BCAS3: variants seen among roughly 807,000 people sequenced by gnomAD.
BCAS3 encodes BCAS4/BCAS3 fusion.
Under a neutral mutation model 116.1 loss-of-function variants are expected in BCAS3, and 53 were observed. The observed-to-expected ratio is 0.46, with a 90% CI of 0.37 to 0.57. The LOEUF is 0.57. BCAS3 is among the 20% of genes least tolerant of loss of function. The pLI, the probability that BCAS3 is intolerant of heterozygous loss-of-function variation, is 0.00. For synonymous variants in BCAS3, 391 were observed against 408.2 expected, an observed-to-expected ratio of 0.96 and a Z score of 0.51; for missense variants, 917 against 1,165.4, an observed-to-expected ratio of 0.79 and a Z score of 3.10.
chr17:60,952,351 G>A (rs2060890305), intron 14 of BCAS3, among the ~76,000 whole-genome samples: 1 of 149,654 alleles, frequency 6.7e-6, no homozygotes, highest in Non-Finnish European at 1.5e-5. Flanking sequence ...ACAGAGTCTT[G>A]CTCTGTTGCC....
chr17:61,262,286 C>T (rs2049269592), intron 22 of BCAS3, among the ~76,000 whole-genome samples: 2 of 150,792 alleles, frequency 1.3e-5, no homozygotes, highest in Admixed American at 6.6e-5. Flanking sequence ...CCTTAGAAAA[C>T]ATATGCAAAA....
intron 5 of BCAS3, among the ~76,000 whole-genome samples, chr17:60,714,410 A>G (rs2038311343): frequency 6.6e-6 from 1 of 151,928 alleles, no homozygotes; most frequent in Admixed American, 6.6e-5. Context: ...CATGTCTGTA[A>G]TCCCAGCACT....
At chr17:61,287,541 C>T (rs924147028) in intron 22 of BCAS3, among the ~76,000 whole-genome samples, 2 of 151,794 alleles carry the variant, frequency 1.3e-5, no homozygotes, top group Non-Finnish European at 2.9e-5. Flanking sequence ...GCCTAAGCAA[C>T]ATAGTGAGAC....
chr17:60,823,029 A>C (rs2050092128), intron 7 of BCAS3, among the ~76,000 whole-genome samples: 2 of 152,180 alleles, frequency 1.3e-5, no homozygotes, highest in Admixed American at 1.3e-4. Context: ...CATCTAATTC[A>C]CAAAATCTGA....
chr17:60,795,453 G>C (rs1224677371), intron 6 of BCAS3, among the ~76,000 whole-genome samples: 1 of 152,114 alleles, frequency 6.6e-6, no homozygotes, highest in Non-Finnish European at 1.5e-5. Flanking sequence ...CCAGTACTAT[G>C]TTGAAGAGGA....
chr17:60,713,517 C>T (rs183791157), intron 5 of BCAS3, among the ~76,000 whole-genome samples: 1 of 152,052 alleles, frequency 6.6e-6, no homozygotes, highest in Non-Finnish European at 1.5e-5. Flanking sequence ...ATTCAACCAA[C>T]TGTGGATTGA....
At chr17:60,742,842 G>A (rs946241973) in intron 5 of BCAS3, among the ~76,000 whole-genome samples, 3 of 151,774 alleles carry the variant, frequency 2.0e-5, no homozygotes, top group East Asian at 2.0e-4. Context: ...GGCCAGGCAC[G>A]GTGGCTCACG....
intron 19 of BCAS3, among the ~76,000 whole-genome samples, chr17:61,071,506 G>A (rs1670898772): frequency 6.6e-6 from 1 of 152,138 alleles, no homozygotes; most frequent in African/African-American, 2.4e-5. Context: ...AGTAGGGCTG[G>A]GTGGGTGGAG....
chr17:60,833,499 T>C (rs2051114747), intron 7 of BCAS3, among the ~76,000 whole-genome samples: 1 of 152,230 alleles, frequency 6.6e-6, no homozygotes, highest in Non-Finnish European at 1.5e-5. Flanking sequence ...AACTCACAGT[T>C]GCTGTGGTTA....
chr17:61,082,167 G>T lies in BCAS3; in HGVS notation c.2328-2300G>T, dbSNP rs1220732283. Among the ~76,000 whole-genome samples the T allele has an allele frequency of 6.6e-6, 1 of 152,152 alleles. No homozygotes were observed. The highest frequency in any genetic ancestry group is 2.4e-5 in the African/African-American group (1 of 41,430). On this transcript the variant is annotated intron_variant, in intron 21 of 23. Coordinates refer to ENST00000407086, the MANE Select transcript of BCAS3 (RefSeq NM_017679.5). This position sits in a 1 kb window ranked among gnomAD's most constrained non-coding sequence, Gnocchi z 5.1. ...ATGTAAAAGATGCTGAGTATGCAAA[G>T]CCTCTCTTTCCACTCGATTAGCTCC...
intron 22 of BCAS3, among the ~76,000 whole-genome samples, chr17:61,093,612 A>T (rs1458696983): frequency 1.3e-5 from 2 of 152,220 alleles, no homozygotes; most frequent in African/African-American, 4.8e-5. Flanking sequence ...TTTTATTTTG[A>T]TGTAGGGCAG....
rs2058668928 is a variant in BCAS3 at position 61,365,330 on chromosome 17, TTGATTGAC to T, written c.2426-2989_2426-2982del. Among the ~76,000 whole-genome samples, 1 of 152,194 alleles carries T rather than the reference TTGATTGAC, an allele frequency of 6.6e-6. No homozygotes were observed. The highest frequency in any genetic ancestry group is 1.5e-5 in the Non-Finnish European group (1 of 68,036). Reference sequence around the variant, plus strand: ...CCTTTCTTGCTATAACATTGATTGATTGATTGACTGATTGAGTGATTGACTGAGAGTCT... The same window carrying T: ...CCTTTCTTGCTATAACATTGATTGATTGATTGAGTGATTGACTGAGAGTCT... On this transcript the variant is annotated intron_variant, in intron 22 of 23. Coordinates refer to ENST00000407086, the MANE Select transcript of BCAS3 (RefSeq NM_017679.5). The surrounding 1 kb of genome is among the most constrained non-coding windows in gnomAD (Gnocchi z 4.6).
rs35629825 is a variant in BCAS3, at chr17:61,042,891, C to CAAAAAAAAA, written c.2029+2015_2029+2023dup. On this transcript the variant is annotated intron_variant, in intron 19 of 23. Transcript: ENST00000407086. Reference sequence around the variant, plus strand: ...GGCAACAGAGCAAGACTCCATCTCACAAAAAAAAAAAAAAAAAAAAAAAAG... The same window carrying CAAAAAAAAA: ...GGCAACAGAGCAAGACTCCATCTCACAAAAAAAAAAAAAAAAAAAAAAAAAAAAAAAAAG... Among the ~76,000 whole-genome samples the CAAAAAAAAA allele has an allele frequency of 2.0e-3, 116 of 58,228 alleles. 1 individual carries two copies. Among genetic ancestry groups the CAAAAAAAAA allele is most frequent in the African/African-American group, 4.8e-3 (87 of 18,086 alleles). The allele number at this position is 58,228 out of a possible 152,430, so 38.2% of individuals were successfully genotyped here.
At chr17:61,011,665 C>A (rs1374560729) in intron 15 of BCAS3, among the ~76,000 whole-genome samples, 2 of 152,062 alleles carry the variant, frequency 1.3e-5, no homozygotes, top group Non-Finnish European at 2.9e-5. Context: ...TAGTAAGACA[C>A]TATCCTCAGG....
rs2050748617 is a variant in BCAS3 at position 61,276,233 on chromosome 17, A to G, written c.2426-92094A>G. ...CCAGGCATGGTGGTGAGCACCTGTA[A>G]TCCCAGCTACTTGGGAGAGTGAGGC... On this transcript the variant is annotated intron_variant, in intron 22 of 23. Coordinates refer to ENST00000407086, the MANE Select transcript of BCAS3 (RefSeq NM_017679.5). The surrounding 1 kb of genome is among the most constrained non-coding windows in gnomAD (Gnocchi z 4.2). 6.6e-6 allele frequency among the ~76,000 whole-genome samples: 1 copy of G among 152,054 alleles called. No individual in the cohort carries two copies. The highest frequency in any genetic ancestry group is 2.4e-5 in the African/African-American group (1 of 41,406).
chr17:61,140,858 G>A lies in BCAS3; in HGVS notation c.2425+56294G>A, dbSNP rs1305249837. ...TGGATTGATGGTACATGATTTAAGG[G>A]AAATCTTGTACTAATCTGCAAGTAT... On this transcript the variant is annotated intron_variant, in intron 22 of 23. Transcript: ENST00000407086. The surrounding 1 kb of genome is among the most constrained non-coding windows in gnomAD (Gnocchi z 4.2). 6.6e-6 allele frequency among the ~76,000 whole-genome samples: 1 copy of A among 152,026 alleles called. No individual in the cohort carries two copies. Among genetic ancestry groups the A allele is most frequent in the African/African-American group, 2.4e-5 (1 of 41,374 alleles).
At chr17:60,760,483 T>C (rs1421765844) in intron 6 of BCAS3, among the ~76,000 whole-genome samples, 2 of 137,856 alleles carry the variant, frequency 1.5e-5, no homozygotes, top group African/African-American at 3.5e-5. Flanking sequence ...TATCCTTGGG[T>C]GACAGGTTTT....
intron 19 of BCAS3, among the ~76,000 whole-genome samples, chr17:61,049,705 TTTTTCTTTTCTTTTC>T (rs757647271): frequency 6.7e-6 from 1 of 148,916 alleles, no homozygotes; most frequent in Non-Finnish European, 1.5e-5. Flanking sequence ...GATAAGCAGA[TTTTTCTTTTCTTTTC>T]TTTTCTTTTC....
At chr17:60,947,088 G>A in intron 13 of BCAS3, 131 bp from the exon 14 acceptor site, 4 of 893,106 alleles carry the variant, frequency 4.5e-6, no homozygotes, top group East Asian at 2.6e-5. Context: ...TTTTTCTTTT[G>A]TAAAGTTTCT....
Sources: allele counts gnomAD v4.1 joint callset (sites outside exome capture counted in the v4.1 genomes callset), GRCh38; gene constraint gnomAD v4.1.1; non-coding constraint Gnocchi (gnomAD v3.1); transcripts MANE v1.5; gene names NCBI Gene and HGNC (gene_info 2026-07-23, HGNC 2026-07-21).